PRKCQ: variants seen among roughly 807,000 people sequenced by gnomAD.
The protein encoded by PRKCQ is protein kinase C theta type.
Under a neutral mutation model 91.2 loss-of-function variants are expected in PRKCQ, and 41 were observed. The observed-to-expected ratio is 0.45, with a 90% CI of 0.35 to 0.58. The LOEUF (loss-of-function observed/expected upper bound fraction) is 0.58, where lower values mean the gene tolerates loss of function less well. Among genes scored for constraint, PRKCQ ranks in the 20% least tolerant of loss-of-function variants. The probability of loss-of-function intolerance (pLI) is 0.00; values close to 1 mark genes in which losing one functional copy is unlikely to be tolerated. For synonymous variants in PRKCQ, 307 were observed against 316.9 expected (o/e 0.97, Z 0.33); for missense variants, 673 against 896.5 (o/e 0.75, Z 3.18).
chr10:6,481,237 T>C (rs1052850204), intron 11 of PRKCQ, among the ~76,000 whole-genome samples: 13 of 152,234 alleles, frequency 8.5e-5, no homozygotes, highest in Non-Finnish European at 1.6e-4. Flanking sequence ...ATGTCTTCCT[T>C]ATTAACCTTA....
chr10:6,557,787 C>G (rs1480271425), intron 1 of PRKCQ, among the ~76,000 whole-genome samples: 6 of 151,834 alleles, frequency 4.0e-5, no homozygotes, highest in East Asian at 1.9e-4. Context: ...GTGTCTGTAC[C>G]TCTCCTCTCT....
At position 6,465,089 on chromosome 10, in the gene PRKCQ, G is replaced by A. The variant is rs1286810850; in HGVS notation, c.1354-685C>T. On this transcript the variant is annotated intron_variant, in intron 12 of 17. Transcript: ENST00000263125. The surrounding 1 kb of genome is among the most constrained non-coding windows in gnomAD (Gnocchi z 4.4). ...CTTATTGAAAGTGACAGGGTGCAGGGTGATAAGGAGAATGTGTTTTGGTCT... is the reference window on the plus strand; with the variant it reads ...CTTATTGAAAGTGACAGGGTGCAGGATGATAAGGAGAATGTGTTTTGGTCT... 6.6e-6 allele frequency among the ~76,000 whole-genome samples: 1 copy of A among 152,170 alleles called. No individual in the cohort carries two copies. The highest frequency in any genetic ancestry group is 6.5e-5 in the Admixed American group (1 of 15,274).
chr10:6,563,008 G>A lies in PRKCQ; in HGVS notation c.-10+17203C>T, dbSNP rs111712621. On this transcript the variant is annotated intron_variant, in intron 1 of 17. Transcript: ENST00000263125. ...CTTTTTAGTTTTTTTGTTGAAAAAA[G>A]GCTATGGATTCTTTCAAGGTGGGCT... 8.2e-3 allele frequency among the ~76,000 whole-genome samples: 1,245 copies of A among 152,038 alleles called. 7 individuals carry two copies. The highest frequency in any genetic ancestry group is 0.014 in the Non-Finnish European group (953 of 67,972).
chr10:6,487,845 A>G (rs1000945004), intron 8 of PRKCQ, among the ~76,000 whole-genome samples: 2 of 151,980 alleles, frequency 1.3e-5, no homozygotes, highest in Non-Finnish European at 2.9e-5. Flanking sequence ...TAAAAATAAT[A>G]ACAATAAAAA....
intron 1 of PRKCQ, among the ~76,000 whole-genome samples, chr10:6,538,261 G>A (rs955453535): frequency 1.3e-5 from 2 of 152,232 alleles, no homozygotes; most frequent in East Asian, 1.9e-4. Flanking sequence ...GCTTGGAGGC[G>A]GCATTGTCAG....
intron 16 of PRKCQ, among the ~76,000 whole-genome samples, chr10:6,436,928 C>G (rs1477998507): frequency 1.3e-5 from 2 of 152,160 alleles, no homozygotes; most frequent in African/African-American, 4.8e-5. Flanking sequence ...TGAAGTATTG[C>G]ATATCCTCAA....
the PRKCQ span, among the ~76,000 whole-genome samples, chr10:6,402,222 T>G: frequency 3.1e-4 from 47 of 152,040 alleles, no homozygotes; most frequent in African/African-American, 1.1e-3. Context: ...AGGGGAGGGA[T>G]AGCATTAGGA....
chr10:6,470,530 A>G (rs888121315), intron 12 of PRKCQ, among the ~76,000 whole-genome samples: 3 of 152,214 alleles, frequency 2.0e-5, no homozygotes, highest in African/African-American at 7.2e-5. Context: ...AACAACACAT[A>G]TTAAACTGCT....
intron 2 of PRKCQ, 31 bp downstream of exon 2, chr10:6,514,987 T>A (rs767078345): frequency 1.4e-5 from 23 of 1,611,824 alleles, no homozygotes; most frequent in Non-Finnish European, 1.9e-5. Flanking sequence ...CTCCTCCTCC[T>A]CCCCCGCTTT....
chr10:6,548,240 C>T (rs932250187), intron 1 of PRKCQ, among the ~76,000 whole-genome samples: 4 of 150,792 alleles, frequency 2.7e-5, no homozygotes, highest in African/African-American at 9.7e-5. Context: ...ACAACAGGTG[C>T]TGGAGAGGAT....
At chr10:6,544,574 G>C (rs949749536) in intron 1 of PRKCQ, among the ~76,000 whole-genome samples, 1 of 151,620 alleles carries the variant, frequency 6.6e-6, no homozygotes, top group Non-Finnish European at 1.5e-5. Context: ...TTTGTGTGAT[G>C]ACTGTTTAAC....
chr10:6,440,126 G>A (rs1480292484), intron 16 of PRKCQ, among the ~76,000 whole-genome samples: 1 of 152,150 alleles, frequency 6.6e-6, no homozygotes, highest in Non-Finnish European at 1.5e-5. Context: ...GTGAAGAGGT[G>A]CCTTCTGCCA....
rs149943075 is a variant in PRKCQ at position 6,448,133 on chromosome 10, T to TA, written c.1648-6053dup. ...CAGTATACACTTAGAGATGAACTTT[T>TA]AGGGTGTTTGACTTTGTGTGGTCGT... On this transcript the variant is annotated intron_variant, in intron 15 of 17. Coordinates refer to ENST00000263125, the MANE Select transcript of PRKCQ (RefSeq NM_006257.5). 5.5e-3 allele frequency among the ~76,000 whole-genome samples: 833 copies of TA among 152,240 alleles called. 13 individuals are homozygous for TA. The highest frequency in any genetic ancestry group is 0.017 in the African/African-American group (708 of 41,552).
intron 12 of PRKCQ, among the ~76,000 whole-genome samples, chr10:6,466,173 G>A (rs189841541): frequency 1.6e-4 from 25 of 152,358 alleles, no homozygotes; most frequent in African/African-American, 6.0e-4. Flanking sequence ...TCTTCTAAGT[G>A]TTTGGATGCT....
intron 8 of PRKCQ, among the ~76,000 whole-genome samples, 157 bp from the exon 9 acceptor site, chr10:6,486,301 C>T (rs2130787133): frequency 6.6e-6 from 1 of 152,276 alleles, no homozygotes; most frequent in East Asian, 1.9e-4. Flanking sequence ...GGTAGTGATC[C>T]TCGTGCTGGA....
At chr10:6,419,229 A>G in the PRKCQ span, among the ~76,000 whole-genome samples, 2 of 137,444 alleles carry the variant, frequency 1.5e-5, no homozygotes, top group East Asian at 1.9e-4. Context: ...ATTTATCATC[A>G]AATCTATTTA....
chr10:6,423,332 T>G (rs1450774391), downstream of PRKCQ, among the ~76,000 whole-genome samples: 1 of 152,132 alleles, frequency 6.6e-6, no homozygotes, highest in African/African-American at 2.4e-5. Flanking sequence ...AGGGACACAC[T>G]CAGTCTCTTT....
In PRKCQ at chr10:6,496,968, C is replaced by A. The variant is rs189486186; in HGVS notation, c.660+67G>T. 28 of 1,394,054 alleles carry A rather than the reference C, an allele frequency of 2.0e-5. No homozygotes were observed. In the African/African-American group the frequency reaches 3.7e-4, roughly 18 times the overall value. 86.4% of individuals were successfully genotyped at this position (1,394,054 alleles called of 1,614,324 possible). A position where few individuals can be genotyped will look rare whatever the true frequency, so the allele number is the denominator to read the frequency against. On this transcript the variant is annotated intron_variant, in intron 7 of 17. Coordinates refer to ENST00000263125, the MANE Select transcript of PRKCQ (RefSeq NM_006257.5). ...AGTTCTGGCATTATTCTGAAGAATT[C>A]GTGGGCTGTAACATTTAACGTTCTG...
rs940335139 is a variant in PRKCQ at position 6,464,474 on chromosome 10, G to T, written c.1354-70C>A. On this transcript the variant is annotated intron_variant, in intron 12 of 17. Coordinates refer to ENST00000263125, the MANE Select transcript of PRKCQ (RefSeq NM_006257.5). ...TTATTTATTTATTTTGTCCAAGACAGGGTCTCACTCTGTCTCCCAGGCTGG... is the reference window on the plus strand; with the variant it reads ...TTATTTATTTATTTTGTCCAAGACATGGTCTCACTCTGTCTCCCAGGCTGG... 7 of 1,356,584 alleles carry T rather than the reference G, an allele frequency of 5.2e-6. No homozygotes were observed. In the African/African-American group the frequency reaches 7.3e-5, roughly 14 times the overall value. The allele number at this position is 1,356,584 out of a possible 1,614,324, so 84.0% of individuals were successfully genotyped here. A position where few individuals can be genotyped will look rare whatever the true frequency, so the allele number is the denominator to read the frequency against.
Sources: gnomAD v4.1 joint callset for allele counts (sites outside exome capture counted in the v4.1 genomes callset) on GRCh38, gnomAD v4.1.1 for gene constraint, Gnocchi (gnomAD v3.1) non-coding constraint, MANE v1.5 for transcripts, NCBI Gene and HGNC (gene_info 2026-07-23, HGNC 2026-07-21) for gene names.